TIAM2: variants seen among roughly 807,000 people sequenced by gnomAD.
TIAM2 encodes the protein rho guanine nucleotide exchange factor TIAM2.
A neutral mutation model predicts 152.9 loss-of-function variants in TIAM2; 80 were observed. That is an observed-to-expected ratio of 0.52 (90% confidence interval 0.44 to 0.63). TIAM2 has a LOEUF of 0.63. TIAM2 is among the 30% of genes least tolerant of loss of function. The probability of loss-of-function intolerance (pLI) is 0.00; values close to 1 mark genes in which losing one functional copy is unlikely to be tolerated. For missense variants in TIAM2, 1,965 were observed against 2,120.1 expected (o/e 0.93, Z 1.44); for synonymous variants, 804 against 838.0 (o/e 0.96, Z 0.70).
At chr6:155,138,211 T>C (rs1779600485) in intron 5 of TIAM2, among the ~76,000 whole-genome samples, 1 of 152,238 alleles carries the variant, frequency 6.6e-6, no homozygotes, top group Non-Finnish European at 1.5e-5. Context: ...GGTATGCCTG[T>C]ACCATTTTCG....
At chr6:155,025,821 A>AACACACACAC (rs58173623) in intron 1 of TIAM2, among the ~76,000 whole-genome samples, 26 of 131,870 alleles carry the variant, frequency 2.0e-4, no homozygotes, top group East Asian at 6.7e-4. Flanking sequence ...CTCCCCCTCA[A>AACACACACAC]ACACACACAC....
At chr6:155,096,354 G>A (rs2114987012) in intron 2 of TIAM2, among the ~76,000 whole-genome samples, 1 of 152,200 alleles carries the variant, frequency 6.6e-6, no homozygotes, top group South Asian at 2.1e-4. Flanking sequence ...CTTCATGTTA[G>A]AAACATTAGA....
chr6:155,087,902 G>A (rs1043080430), intron 1 of TIAM2, among the ~76,000 whole-genome samples: 5 of 104,826 alleles, frequency 4.8e-5, no homozygotes, highest in South Asian at 7.2e-4. Flanking sequence ...TAATTATGTC[G>A]CCTTGGTCAA....
chr6:155,125,703 T>C (rs1779276967), intron 2 of TIAM2, among the ~76,000 whole-genome samples: 1 of 151,966 alleles, frequency 6.6e-6, no homozygotes, highest in Non-Finnish European at 1.5e-5. Context: ...TCTGGTGCAA[T>C]GGTGCGCGCC....
At chr6:155,161,004 G>A (rs1780254561) in intron 7 of TIAM2, among the ~76,000 whole-genome samples, 1 of 152,112 alleles carries the variant, frequency 6.6e-6, no homozygotes, top group East Asian at 1.9e-4. Flanking sequence ...TCTCCTTTGG[G>A]CTATTGGGGT....
chr6:155,105,711 A>G (rs965285509), intron 2 of TIAM2, among the ~76,000 whole-genome samples: 9 of 152,056 alleles, frequency 5.9e-5, no homozygotes, highest in South Asian at 4.2e-4. Flanking sequence ...TCAGCCTCCC[A>G]AAGTGTTGGA....
At chr6:155,043,246 C>T (rs1777087367) in intron 1 of TIAM2, among the ~76,000 whole-genome samples, 1 of 152,148 alleles carries the variant, frequency 6.6e-6, no homozygotes, top group African/African-American at 2.4e-5. Context: ...ATCATCTCAT[C>T]CAGTGGCTCT....
chr6:155,033,585 G>GA (rs935376583), intron 1 of TIAM2, among the ~76,000 whole-genome samples: 25 of 149,234 alleles, frequency 1.7e-4, no homozygotes, highest in African/African-American at 5.9e-4. Context: ...GTTATGCTCA[G>GA]AAAAAAAAAA....
At chr6:155,143,827 G>C (rs1470892465) in intron 5 of TIAM2, among the ~76,000 whole-genome samples, 2 of 152,038 alleles carry the variant, frequency 1.3e-5, no homozygotes, top group Admixed American at 1.3e-4. Context: ...CTCATTTTTA[G>C]TGTGAAAGGA....
chr6:155,104,346 C>T (rs999746677), intron 2 of TIAM2, among the ~76,000 whole-genome samples: 6 of 152,028 alleles, frequency 3.9e-5, no homozygotes, highest in Admixed American at 1.3e-4. Flanking sequence ...CATTTTTTCT[C>T]TCCTCCCTGC....
chr6:155,135,187 A>G (rs1005571190), intron 4 of TIAM2, among the ~76,000 whole-genome samples: 1 of 152,196 alleles, frequency 6.6e-6, no homozygotes, highest in Non-Finnish European at 1.5e-5. Flanking sequence ...TCTATTTGTA[A>G]TATCTGCTTG....
intron 1 of TIAM2, among the ~76,000 whole-genome samples, chr6:155,034,772 G>C (rs59304104): frequency 0.011 from 1,740 of 152,210 alleles, 33 homozygotes; most frequent in African/African-American, 0.039. Flanking sequence ...CACATTGGCT[G>C]GGACCTCCAA....
At chr6:155,018,172 A>C (rs1000276885) in intron 1 of TIAM2, among the ~76,000 whole-genome samples, 1 of 151,362 alleles carries the variant, frequency 6.6e-6, no homozygotes, top group Non-Finnish European at 1.5e-5. Context: ...CATGAGTTCA[A>C]GGCTATAGTG....
At chr6:155,058,823 C>T (rs1031415379) in intron 1 of TIAM2, among the ~76,000 whole-genome samples, 5 of 152,094 alleles carry the variant, frequency 3.3e-5, no homozygotes, top group South Asian at 2.1e-4. Flanking sequence ...AGATACATTT[C>T]GTTCTAGAAG....
intron 2 of TIAM2, among the ~76,000 whole-genome samples, chr6:155,101,171 T>C (rs1294939298): frequency 6.6e-6 from 1 of 152,150 alleles, no homozygotes; most frequent in African/African-American, 2.4e-5. Context: ...TTTGATCAAA[T>C]GGGGAGAAAA....
At chr6:155,238,082 A>G (rs542254607) in intron 15 of TIAM2, among the ~76,000 whole-genome samples, 3 of 152,354 alleles carry the variant, frequency 2.0e-5, no homozygotes, top group Non-Finnish European at 2.9e-5. Flanking sequence ...CCAGCACTCA[A>G]GTCACATCTT....
intron 14 of TIAM2, among the ~76,000 whole-genome samples, chr6:155,204,824 A>G (rs1182952601): frequency 6.6e-6 from 1 of 152,204 alleles, no homozygotes; most frequent in Non-Finnish European, 1.5e-5. Context: ...GCTCCTGTAA[A>G]GAATAGCACA....
At chr6:155,041,997 C>T (rs532230288) in intron 1 of TIAM2, among the ~76,000 whole-genome samples, 210 of 152,254 alleles carry the variant, frequency 1.4e-3, no homozygotes, top group African/African-American at 3.9e-3. Flanking sequence ...CAGTTTTACT[C>T]GACTTCCCAT....
At chr6:155,234,593 T>C (rs1486563043) in intron 15 of TIAM2, among the ~76,000 whole-genome samples, 2 of 152,222 alleles carry the variant, frequency 1.3e-5, no homozygotes, top group Admixed American at 6.5e-5. Flanking sequence ...TTTGTAGCGA[T>C]GGGTTTCCCT....
Sources: allele counts gnomAD v4.1 joint callset (sites outside exome capture counted in the v4.1 genomes callset), GRCh38; gene constraint gnomAD v4.1.1; transcripts MANE v1.5; gene names NCBI Gene and HGNC (gene_info 2026-07-23, HGNC 2026-07-21).